Variants in SRP54 observed in about 807,000 individuals in gnomAD.
SRP54 encodes the protein signal recognition particle subunit SRP54.
In SRP54, 10 loss-of-function variants were observed where a neutral mutation model predicts 64.8. The ratio of observed to expected loss-of-function variants is 0.15; its 90% CI spans 0.10 to 0.26. The LOEUF (loss-of-function observed/expected upper bound fraction) is 0.26. SRP54 is among the 10% of genes least tolerant of loss of function. The pLI is 1.00. For synonymous variants in SRP54, 193 were observed against 185.6 expected, an observed-to-expected ratio of 1.04 and a Z score of -0.32; for missense variants, 325 against 613.7, an observed-to-expected ratio of 0.53 and a Z score of 4.97.
intron 10 of SRP54, 30 bp from the exon 11 acceptor site, chr14:35,014,714 T>C: frequency 6.6e-7 from 1 of 1,517,006 alleles, no homozygotes; most frequent in Non-Finnish European, 9.1e-7. Context: ...ATAGTATTAG[T>C]TGTTAATTTT....
At position 35,027,979 on chromosome 14, in the gene SRP54, A is replaced by G. The variant is rs987112225; in HGVS notation, c.1328-109A>G. On this transcript the variant is annotated intron_variant, in intron 14 of 15. Coordinates refer to ENST00000216774, the MANE Select transcript of SRP54 (RefSeq NM_003136.4). ...TTATGTTAGAGTGATAGGATTATGTAATTTTTTCTTAGTATTTTCTCAGTT... is the reference window on the plus strand; with the variant it reads ...TTATGTTAGAGTGATAGGATTATGTGATTTTTTCTTAGTATTTTCTCAGTT... 4 of 544,852 alleles carry G rather than the reference A, an allele frequency of 7.3e-6. No individual in the cohort carries two copies. In the African/African-American group the frequency reaches 7.6e-5, roughly 10 times the overall value. The allele number at this position is 544,852 out of a possible 1,614,324, so 33.8% of individuals were successfully genotyped here.
intron 11 of SRP54, 115 bp from the exon 12 acceptor site, chr14:35,018,577 A>T (rs2044478606): frequency 1.3e-6 from 1 of 781,920 alleles, no homozygotes. Flanking sequence ...ATATTTATTG[A>T]TGTATATTTT....
intron 2 of SRP54, 63 bp downstream of exon 2, chr14:34,996,850 C>A: frequency 2.6e-6 from 3 of 1,165,726 alleles, no homozygotes; most frequent in Non-Finnish European, 3.9e-6. Context: ...GGGAAGATGG[C>A]TTATTCATAA....
intron 1 of SRP54, among the ~76,000 whole-genome samples, chr14:34,984,800 C>T (rs190123352): frequency 1.1e-3 from 163 of 152,256 alleles, no homozygotes; most frequent in Admixed American, 0.011. Context: ...CCATGCCCTG[C>T]CTAAACCTTA....
chr14:35,006,317 CTG>C (rs2044257258), intron 4 of SRP54, among the ~76,000 whole-genome samples: 1 of 152,140 alleles, frequency 6.6e-6, no homozygotes, highest in African/African-American at 2.4e-5. Context: ...CACATATAAT[CTG>C]TAATTTTGTT....
At chr14:35,023,789 C>T (rs1048077912) in intron 14 of SRP54, among the ~76,000 whole-genome samples, 27 of 133,964 alleles carry the variant, frequency 2.0e-4, no homozygotes, top group Middle Eastern at 3.8e-3. Context: ...GGTCCCCAAA[C>T]ACACACACAC....
intron 4 of SRP54, among the ~76,000 whole-genome samples, chr14:35,002,807 A>G (rs1215247395): frequency 7.0e-6 from 1 of 143,110 alleles, no homozygotes; most frequent in Non-Finnish European, 1.5e-5. Context: ...GTAGTGGTGC[A>G]ATCATGGCTC....
rs1320014402 is a variant in SRP54 at position 35,007,354 on chromosome 14, G to A, written c.327G>A (p.Leu109=). The change falls in exon 5 of 16, where the codon TTG becomes TTA. Residue 109 remains leucine, a synonymous_variant. Transcript: ENST00000216774. ...AAAATGTGATTATGTTTGTTGGATT[G>A]CAAGGGAGTGGTAAAACAACAACAT... ...GKQNVIMFVG[L]QGSGKTTTCS... is the part of the protein sequence containing the mutation. 3 of 1,593,200 alleles carry A rather than the reference G, an allele frequency of 1.9e-6. No individual in the cohort carries two copies. The highest frequency in any genetic ancestry group is 1.7e-6 in the Non-Finnish European group (2 of 1,166,088).
chr14:35,018,959 G>A lies in SRP54; in HGVS notation c.1048-7G>A, dbSNP rs763250184. ...TACTATTGACTTTATGTTTAAATCT[G>A]TTGTAGGGGATGATCCCTGGTTTTG... is the stretch of plus-strand genomic sequence containing the variant. On this transcript the variant is annotated splice_region_variant and splice_polypyrimidine_tract_variant and intron_variant, in intron 12 of 15. Coordinates refer to ENST00000216774, the MANE Select transcript of SRP54 (RefSeq NM_003136.4). 6.2e-7 allele frequency: 1 copy of A among 1,611,322 alleles called. No individual in the cohort carries two copies. Among genetic ancestry groups the A allele is most frequent in the Non-Finnish European group, 8.5e-7 (1 of 1,177,648 alleles).
At chr14:35,028,973 A>G in intron 15 of SRP54, 88 bp from the exon 16 acceptor site, 1 of 1,039,758 alleles carries the variant, frequency 9.6e-7, no homozygotes, top group African/African-American at 1.6e-5. Context: ...GTATTTTTAG[A>G]AGTACTTATT....
intron 10 of SRP54, among the ~76,000 whole-genome samples, chr14:35,014,280 T>TA: frequency 1.6e-5 from 2 of 125,174 alleles, no homozygotes; most frequent in Admixed American, 7.8e-5. Context: ...CTTAACTTTT[T>TA]TTTTTTTTTT....
At chr14:35,015,974 A>C (rs544958295) in intron 11 of SRP54, among the ~76,000 whole-genome samples, 1 of 152,182 alleles carries the variant, frequency 6.6e-6, no homozygotes, top group Non-Finnish European at 1.5e-5. Flanking sequence ...CTTATCAATG[A>C]ATATTAATAT....
At chr14:35,017,908 G>A (rs2044468551) in intron 11 of SRP54, among the ~76,000 whole-genome samples, 1 of 152,078 alleles carries the variant, frequency 6.6e-6, no homozygotes, top group Admixed American at 6.6e-5. Flanking sequence ...ATCATTTGAG[G>A]TCAGGAGTTT....
intron 7 of SRP54, among the ~76,000 whole-genome samples, chr14:35,011,168 A>G (rs1199430999): frequency 3.3e-5 from 5 of 152,128 alleles, no homozygotes; most frequent in South Asian, 2.1e-4. Flanking sequence ...GTTTTATAAA[A>G]TGCTTCCAAA....
intron 4 of SRP54, among the ~76,000 whole-genome samples, chr14:35,002,733 C>T (rs1395512680): frequency 1.1e-4 from 15 of 138,144 alleles, no homozygotes; most frequent in Admixed American, 7.9e-5. Context: ...CTGTGCCTGG[C>T]CTCCTTTTTT....
chr14:35,016,044 GC>G (rs1310575155), intron 11 of SRP54, among the ~76,000 whole-genome samples: 1 of 152,008 alleles, frequency 6.6e-6, no homozygotes, highest in Non-Finnish European at 1.5e-5. Context: ...TCCTCACTCT[GC>G]CCACTCCTTT....
chr14:35,017,033 T>A (rs1376386040), intron 11 of SRP54, among the ~76,000 whole-genome samples: 1 of 152,068 alleles, frequency 6.6e-6, no homozygotes, highest in African/African-American at 2.4e-5. Flanking sequence ...TTTTGCATTT[T>A]TAGTAGAAAT....
chr14:35,000,761 A>G (rs2044157671), intron 3 of SRP54, among the ~76,000 whole-genome samples, 175 bp from the exon 4 acceptor site: 1 of 152,196 alleles, frequency 6.6e-6, no homozygotes, highest in Non-Finnish European at 1.5e-5. Context: ...CTTCATGGGA[A>G]AACTCTTTAT....
chr14:34,988,578 A>AAAAATATATAT (rs1384552218), intron 1 of SRP54, among the ~76,000 whole-genome samples: 6 of 47,098 alleles, frequency 1.3e-4, no homozygotes, highest in African/African-American at 3.4e-4. Context: ...AAAAAAAAAA[A>AAAAATATATAT]ATATATATAT....
Sources: gnomAD v4.1 joint callset for allele counts (sites outside exome capture counted in the v4.1 genomes callset) on GRCh38, gnomAD v4.1.1 for gene constraint, MANE v1.5 for transcripts, NCBI Gene and HGNC (gene_info 2026-07-23, HGNC 2026-07-21) for gene names.